USP16: variants seen among roughly 807,000 people sequenced by gnomAD.
The protein encoded by USP16 is ubiquitin specific peptidase 16, also known as ubiquitin carboxyl-terminal hydrolase 16.
In USP16, 77 loss-of-function variants were observed where a neutral mutation model predicts 95.9. The observed-to-expected ratio is 0.80, with a 90% CI of 0.67 to 0.97. USP16 has a LOEUF of 0.97. USP16 is among the 50% of genes least tolerant of loss of function. The pLI, the probability that USP16 is intolerant of heterozygous loss-of-function variation, is 0.00. For synonymous variants in USP16, 303 were observed against 318.2 expected (o/e 0.95, Z 0.51); for missense variants, 943 against 959.9 (o/e 0.98, Z 0.23).
intron 12 of USP16, 147 bp from the exon 13 acceptor site, chr21:29,043,276 A>G (rs1005132280): frequency 1.8e-6 from 1 of 555,710 alleles, no homozygotes; most frequent in Admixed American, 4.4e-5. Context: ...GAGATAAACG[A>G]ATTTTGTCTC....
intron 13 of USP16, among the ~76,000 whole-genome samples, chr21:29,046,039 G>A (rs1033078735): frequency 6.6e-6 from 1 of 152,204 alleles, no homozygotes; most frequent in African/African-American, 2.4e-5. Context: ...GGCCAGGCTG[G>A]TTTCAAACTC....
chr21:29,049,672 A>C (rs563056934), intron 15 of USP16, among the ~76,000 whole-genome samples: 1 of 152,142 alleles, frequency 6.6e-6, no homozygotes, highest in South Asian at 2.1e-4. Context: ...CGATCCTCCC[A>C]CCTTAGCCTC....
At chr21:29,037,578 ACTTTTTT>A in intron 6 of USP16, 115 bp downstream of exon 6, 1 of 642,308 alleles carries the variant, frequency 1.6e-6, no homozygotes, top group Admixed American at 4.9e-5. Flanking sequence ...TCCAAAGAAA[ACTTTTTT>A]TTTTTTTTTT....
chr21:29,045,699 G>A (rs1450471969), intron 13 of USP16, among the ~76,000 whole-genome samples: 1 of 151,888 alleles, frequency 6.6e-6, no homozygotes, highest in Non-Finnish European at 1.5e-5. Flanking sequence ...TACTCTGCCT[G>A]GATTACTTCC....
intron 16 of USP16, chr21:29,052,792 C>G (rs1300130055): frequency 6.6e-6 from 1 of 152,092 alleles, no homozygotes; most frequent in African/African-American, 2.4e-5. Flanking sequence ...AGTTTGAGAC[C>G]AGCCCAGGCA....
rs765372408 is a variant in USP16, at chr21:29,039,145, G to T, written c.852G>T (p.Gln284His). The part of the protein sequence containing the change: ...GVVTPKELFS[Q>H]VCKKAVRFKG... The stretch of plus-strand genomic sequence containing the variant: ...TGACACCGAAAGAACTCTTTTCTCA[G>T]GTCTGTAAAAAGTGAGTATCCACTT... The change falls in exon 8 of 18, where the codon CAG (glutamine) becomes CAT (histidine). Residue 284 changes from glutamine to histidine, a missense_variant. Gln to His is a conservative substitution (Grantham distance 24). Coordinates refer to ENST00000399976, the MANE Select transcript of USP16 (RefSeq NM_006447.3). The T allele has an allele frequency of 6.4e-7, 1 of 1,559,518 alleles. No individual in the cohort carries two copies. Among genetic ancestry groups the T allele is most frequent in the Non-Finnish European group, 8.7e-7 (1 of 1,150,514 alleles).
At position 29,038,046 on chromosome 21, in the gene USP16, C is replaced by T. The variant is rs536250361; in HGVS notation, c.637-289C>T. On this transcript the variant is annotated intron_variant, in intron 6 of 17. Transcript: ENST00000399976. ...TCATATAGAAGCAAATACGTACCTA[C>T]AGGTAGTGGTAAGTGGTTGTGAGAG... Among the ~76,000 whole-genome samples, 4 of 152,252 alleles carry T rather than the reference C, an allele frequency of 2.6e-5. No homozygotes were observed. In the South Asian group the frequency reaches 6.2e-4, roughly 24 times the overall value.
intron 9 of USP16, 144 bp downstream of exon 9, chr21:29,039,712 C>A: frequency 1.6e-6 from 1 of 638,882 alleles, no homozygotes. Context: ...GCTTTTTCAA[C>A]TAGTATGTTT....
At chr21:29,050,900 G>A (rs909212021) in intron 16 of USP16, among the ~76,000 whole-genome samples, 3 of 152,182 alleles carry the variant, frequency 2.0e-5, no homozygotes, top group Admixed American at 2.0e-4. Flanking sequence ...GTTGATGTAT[G>A]AAGGCTGAAT....
intron 13 of USP16, among the ~76,000 whole-genome samples, chr21:29,045,964 G>T (rs2085316075): frequency 6.6e-6 from 1 of 151,904 alleles, no homozygotes; most frequent in African/African-American, 2.4e-5. Context: ...CACCACCCAT[G>T]TGTGCATTAC....
chr21:29,037,144 A>G (rs2085169915), intron 5 of USP16, 132 bp from the exon 6 acceptor site: 2 of 517,104 alleles, frequency 3.9e-6, no homozygotes, highest in African/African-American at 4.0e-5. Context: ...TCTATTTAAA[A>G]TCAAATGGGT....
chr21:29,039,095 A>G lies in USP16; in HGVS notation c.802A>G (p.Met268Val). ...TLAMSQFLNE[M>V]QETKKGVVTP... ...AGCCATGAGCCAGTTTCTTAATGAG[A>G]TGCAAGAGACCAAAAAGGGGGTTGT... The change falls in exon 8 of 18, where the codon ATG (methionine) becomes GTG (valine). Residue 268 changes from methionine to valine, a missense_variant. Transcript: ENST00000399976. 1 of 1,590,544 alleles carries G rather than the reference A, an allele frequency of 6.3e-7. No homozygotes were observed.
chr21:29,048,637 G>A, intron 14 of USP16, 124 bp from the exon 15 acceptor site: 2 of 674,304 alleles, frequency 3.0e-6, no homozygotes, highest in South Asian at 2.1e-5. Context: ...TTGTTATCTA[G>A]TACTTCATAG....
Position 29,024,789 on chromosome 21 carries a change from T to G in USP16, c.-42+12T>G. 1 of 1,275,614 alleles carries G rather than the reference T, an allele frequency of 7.8e-7. No homozygotes were observed. Among genetic ancestry groups the G allele is most frequent in the Non-Finnish European group, 1.0e-6 (1 of 980,808 alleles). 79.0% of individuals were successfully genotyped at this position (1,275,614 alleles called of 1,614,324 possible). On this transcript the variant is annotated intron_variant, in intron 1 of 17. Coordinates refer to ENST00000399976, the MANE Select transcript of USP16 (RefSeq NM_006447.3). ...CTCTGTCGCCGTGGGTGAGTTCTGG[T>G]CCCACTGCCTGGCAGTCGTCGCTCG...
Position 29,025,106 on chromosome 21 carries a change from A to G in USP16, c.-42+329A>G, listed in dbSNP as rs77526699. Among the ~76,000 whole-genome samples, 1,054 of 152,298 alleles carry G rather than the reference A, an allele frequency of 6.9e-3. 51 individuals carry two copies. Among genetic ancestry groups the G allele is most frequent in the Admixed American group, 0.06 (912 of 15,302 alleles). ...GGTGGCGCGTGGCAGGGACTTCCCT[A>G]TGGGTTGGAGCTGGATTTGCAGCCG... On this transcript the variant is annotated intron_variant, in intron 1 of 17. Coordinates refer to ENST00000399976, the MANE Select transcript of USP16 (RefSeq NM_006447.3).
In USP16 at chr21:29,026,574, G is replaced by A. The variant is rs187323496; in HGVS notation, c.-41-1299G>A. On this transcript the variant is annotated intron_variant, in intron 1 of 17. Transcript: ENST00000399976. The stretch of plus-strand genomic sequence containing the variant: ...TTTTTTTTTTTTTGGTAGAGATAGA[G>A]TGTCGCTTTGTTGCCCAGGCTAGTC... The A allele has an allele frequency of 8.3e-4, 87 of 104,816 alleles. 3 individuals are homozygous for A. In the Admixed American group the frequency reaches 0.012, roughly 14 times the overall value. The allele number at this position is 104,816 out of a possible 1,614,324, so 6.5% of individuals were successfully genotyped here.
At chr21:29,048,878 TG>T (rs758657793) in intron 15 of USP16, 23 bp downstream of exon 15, 1 of 1,580,260 alleles carries the variant, frequency 6.3e-7, no homozygotes, top group African/African-American at 1.4e-5. Flanking sequence ...ACCCAAAATT[TG>T]TTTTAAATAT....
At chr21:29,048,330 G>A (rs888275362) in intron 14 of USP16, among the ~76,000 whole-genome samples, 4 of 151,996 alleles carry the variant, frequency 2.6e-5, no homozygotes, top group Non-Finnish European at 5.9e-5. Flanking sequence ...TGATTTGCCC[G>A]CCTAGGCCTC....
rs747776533 is a variant in USP16, at chr21:29,027,833, C to CTT, written c.-41-31_-41-30dup. 36 of 1,239,560 alleles carry CTT rather than the reference C, an allele frequency of 2.9e-5. No individual in the cohort carries two copies. In the South Asian group the frequency reaches 3.6e-4, roughly 12 times the overall value. The allele number at this position is 1,239,560 out of a possible 1,614,324, so 76.8% of individuals were successfully genotyped here. A position where few individuals can be genotyped will look rare whatever the true frequency, so the allele number is the denominator to read the frequency against. ...GTCTCCTAGAGAAATATAAGACATACTTTTTTTTTTGGTCAAGCTAACTTT... is the reference window on the plus strand; with the variant it reads ...GTCTCCTAGAGAAATATAAGACATACTTTTTTTTTTTTGGTCAAGCTAACTTT... On this transcript the variant is annotated intron_variant, in intron 1 of 17. Coordinates refer to ENST00000399976, the MANE Select transcript of USP16 (RefSeq NM_006447.3).
Sources: allele counts gnomAD v4.1 joint callset (sites outside exome capture counted in the v4.1 genomes callset), GRCh38; gene constraint gnomAD v4.1.1; transcripts MANE v1.5; gene names NCBI Gene and HGNC (gene_info 2026-07-23, HGNC 2026-07-21).